The following CNTNAP2 variants were observed in gnomAD, a reference collection of about 807,000 sequenced individuals.
CNTNAP2 encodes the protein contactin-associated protein-like 2.
CNTNAP2 carries 98 observed loss-of-function variants against 155.2 expected under a neutral mutation model. The ratio of observed to expected loss-of-function variants is 0.63; its 90% CI spans 0.54 to 0.75. The LOEUF (loss-of-function observed/expected upper bound fraction) is 0.75. Among genes scored for constraint, CNTNAP2 ranks in the 30% least tolerant of loss-of-function variants. The probability of loss-of-function intolerance (pLI) is 0.00; values close to 1 mark genes in which losing one functional copy is unlikely to be tolerated. For synonymous variants in CNTNAP2, 651 were observed against 631.2 expected (o/e 1.03, Z -0.47); for missense variants, 1,727 against 1,688.1 (o/e 1.02, Z -0.40).
At chr7:146,581,495 C>T (rs1026341332) in intron 1 of CNTNAP2, among the ~76,000 whole-genome samples, 8 of 151,560 alleles carry the variant, frequency 5.3e-5, no homozygotes, top group Non-Finnish European at 2.9e-5. Context: ...ATTTTAACTG[C>T]GGATAGAATA....
intron 1 of CNTNAP2, among the ~76,000 whole-genome samples, chr7:146,449,653 T>C (rs923419628): frequency 1.3e-5 from 2 of 152,150 alleles, no homozygotes; most frequent in Non-Finnish European, 1.5e-5. Context: ...TATGTGATAA[T>C]GGGTATTATT....
intron 1 of CNTNAP2, among the ~76,000 whole-genome samples, chr7:146,338,059 C>T (rs542202460): frequency 3.9e-5 from 6 of 152,236 alleles, no homozygotes; most frequent in African/African-American, 1.4e-4. Context: ...ACCATCATCT[C>T]ATTTGCTGAG....
intron 13 of CNTNAP2, among the ~76,000 whole-genome samples, chr7:147,698,733 G>A (rs1584906284): frequency 6.6e-6 from 1 of 152,002 alleles, no homozygotes; most frequent in Non-Finnish European, 1.5e-5. Context: ...GCTAATTTTT[G>A]TATCTTATTT....
intron 21 of CNTNAP2, among the ~76,000 whole-genome samples, chr7:148,269,821 C>G (rs1405626420): frequency 6.6e-6 from 1 of 152,140 alleles, no homozygotes; most frequent in African/African-American, 2.4e-5. Context: ...CGCTTTCTAC[C>G]AGAGGTACTC....
At chr7:146,433,692 G>A (rs1025842830) in intron 1 of CNTNAP2, among the ~76,000 whole-genome samples, 2 of 152,220 alleles carry the variant, frequency 1.3e-5, no homozygotes, top group Non-Finnish European at 2.9e-5. Flanking sequence ...TATACAGATG[G>A]TCCCTCATCA....
chr7:147,082,357 G>C (rs917508087), intron 4 of CNTNAP2, among the ~76,000 whole-genome samples: 1 of 152,082 alleles, frequency 6.6e-6, no homozygotes, highest in Non-Finnish European at 1.5e-5. Flanking sequence ...GTTTATAAGG[G>C]CTTACTTGTT....
intron 4 of CNTNAP2, among the ~76,000 whole-genome samples, chr7:147,103,111 G>A (rs1315764481): frequency 6.6e-6 from 1 of 152,066 alleles, no homozygotes; most frequent in Non-Finnish European, 1.5e-5. Context: ...CCAATTAATA[G>A]AAATATGAGT....
chr7:148,061,904 T>TAAAC (rs1175094681), intron 15 of CNTNAP2, among the ~76,000 whole-genome samples: 22 of 114,900 alleles, frequency 1.9e-4, no homozygotes, highest in African/African-American at 7.2e-4. Context: ...GATAGATAGA[T>TAAAC]AGATAGATAA....
intron 13 of CNTNAP2, among the ~76,000 whole-genome samples, chr7:147,832,560 ATATAT>A (rs899798580): frequency 8.9e-5 from 13 of 146,020 alleles, no homozygotes; most frequent in Admixed American, 2.8e-4. Context: ...TTATATTGAA[ATATAT>A]TATATTGAAA....
intron 12 of CNTNAP2, among the ~76,000 whole-genome samples, chr7:147,623,377 C>T (rs908885109): frequency 1.3e-4 from 19 of 151,992 alleles, no homozygotes; most frequent in Non-Finnish European, 2.9e-5. Context: ...CACAAAAAAA[C>T]TATTAGAACT....
At chr7:146,419,867 T>C (rs1275866507) in intron 1 of CNTNAP2, among the ~76,000 whole-genome samples, 1 of 152,090 alleles carries the variant, frequency 6.6e-6, no homozygotes, top group African/African-American at 2.4e-5. Context: ...CCCTAACTAC[T>C]ATGGTATCTC....
intron 9 of CNTNAP2, among the ~76,000 whole-genome samples, chr7:147,354,831 C>T (rs1487624711): frequency 6.6e-6 from 1 of 152,018 alleles, no homozygotes; most frequent in African/African-American, 2.4e-5. Flanking sequence ...GTTTGTAGCT[C>T]TCCTTGAAGA....
intron 1 of CNTNAP2, among the ~76,000 whole-genome samples, chr7:146,409,024 G>C (rs1312123957): frequency 3.9e-5 from 6 of 151,904 alleles, no homozygotes; most frequent in Non-Finnish European, 8.8e-5. Context: ...TCTAATCCTT[G>C]CAACGATCCT....
intron 11 of CNTNAP2, among the ~76,000 whole-genome samples, chr7:147,525,425 A>G (rs1799301243): frequency 6.6e-6 from 1 of 152,208 alleles, no homozygotes; most frequent in African/African-American, 2.4e-5. Context: ...AAGGAAAGCA[A>G]TGCAAACCAA....
intron 11 of CNTNAP2, among the ~76,000 whole-genome samples, chr7:147,545,213 G>A (rs374355037): frequency 7.2e-5 from 11 of 152,156 alleles, no homozygotes; most frequent in South Asian, 6.2e-4. Context: ...CCCTGGGCAC[G>A]ATGCCTTTTG....
intron 13 of CNTNAP2, among the ~76,000 whole-genome samples, chr7:147,701,432 A>G (rs2117004633): frequency 6.6e-6 from 1 of 152,334 alleles, no homozygotes. Context: ...AATAAAAGCC[A>G]TAAAAATAAG....
intron 1 of CNTNAP2, among the ~76,000 whole-genome samples, chr7:146,250,566 A>G (rs1394395964): frequency 2.0e-5 from 3 of 151,984 alleles, no homozygotes; most frequent in Non-Finnish European, 4.4e-5. Context: ...TGACCCTTCA[A>G]CCTGTCCCAT....
intron 9 of CNTNAP2, among the ~76,000 whole-genome samples, chr7:147,341,446 T>A (rs1418872180): frequency 7.0e-6 from 1 of 142,768 alleles, no homozygotes; most frequent in East Asian, 1.9e-4. Context: ...AAAAAAAAAT[T>A]TAAAAAATAA....
chr7:147,638,594 T>G (rs2116922732), intron 12 of CNTNAP2, among the ~76,000 whole-genome samples: 1 of 152,310 alleles, frequency 6.6e-6, no homozygotes, highest in Middle Eastern at 3.4e-3. Context: ...GAGAATGCAA[T>G]GTCTAATTTT....
Sources: allele counts gnomAD v4.1 joint callset (sites outside exome capture counted in the v4.1 genomes callset), GRCh38; gene constraint gnomAD v4.1.1; transcripts MANE v1.5; gene names NCBI Gene and HGNC (gene_info 2026-07-23, HGNC 2026-07-21).